Variants in ZNF541 observed in about 807,000 individuals in gnomAD.
ZNF541 encodes the protein zinc finger protein 541.
In ZNF541, 23 loss-of-function variants were observed where a neutral mutation model predicts 123.5. That is an observed-to-expected ratio of 0.19 (90% CI 0.13 to 0.26). The LOEUF is 0.26. Among genes scored for constraint, ZNF541 ranks in the 10% least tolerant of loss-of-function variants. The pLI, the probability that ZNF541 is intolerant of heterozygous loss-of-function variation, is 1.00. For synonymous variants in ZNF541, 751 were observed against 754.5 expected (o/e 1.00, Z 0.08); for missense variants, 1,612 against 1,789.9 (o/e 0.90, Z 1.79).
intron 5 of ZNF541, among the ~76,000 whole-genome samples, chr19:47,541,339 G>A (rs931637929): frequency 1.3e-5 from 2 of 152,056 alleles, no homozygotes; most frequent in African/African-American, 4.8e-5. Context: ...AATCACTTGA[G>A]CCAGGAGTTC....
rs1281613205 is a variant in ZNF541, at chr19:47,544,496, T to C, written c.2033A>G (p.Lys678Arg). The change falls in exon 5 of 17, where the codon AAG becomes AGG. Residue 678 changes from lysine to arginine, a missense_variant. Transcript: ENST00000391901. ...SRNPDISSLA[K>R]QLRSSKGTLD... The stretch of plus-strand genomic sequence containing the variant: ...GGTCCCTTTAGAGGATCGCAGCTGC[T>C]TGGCCAGAGAAGAGATGTCTGGATT... 7 of 1,551,564 alleles carry C rather than the reference T, an allele frequency of 4.5e-6. No homozygotes were observed. In the East Asian group the frequency reaches 7.3e-5, roughly 16 times the overall value.
chr19:47,521,802 A>G lies in ZNF541; in HGVS notation c.3711+52T>C, dbSNP rs114237279. ...GACCCCACCGTCCAACTCAACGGGT[A>G]GCAGGCACTGGGAGGAGAGAAGAGC... On this transcript the variant is annotated intron_variant, in intron 15 of 16. Coordinates refer to ENST00000391901, the MANE Select transcript of ZNF541 (RefSeq NM_001277075.3). This position sits in a 1 kb window ranked among gnomAD's most constrained non-coding sequence, Gnocchi z 4.2. The G allele has an allele frequency of 5.2e-3, 8,025 of 1,539,790 alleles. 117 individuals carry two copies. The highest frequency in any genetic ancestry group is 0.038 in the African/African-American group (2,781 of 72,652).
At chr19:47,548,912 C>T (rs1970477785) in intron 4 of ZNF541, among the ~76,000 whole-genome samples, 1 of 152,036 alleles carries the variant, frequency 6.6e-6, no homozygotes, top group Admixed American at 6.6e-5. Context: ...CCTGTCTCTA[C>T]TAAAAATAAT....
chr19:47,540,403 GT>G (rs201680757), intron 6 of ZNF541, 68 bp from the exon 7 acceptor site: 31 of 1,249,702 alleles, frequency 2.5e-5, no homozygotes, highest in East Asian at 9.2e-5. Context: ...ATTTTTTGTT[GT>G]TTTTTTTTCT....
chr19:47,569,025 T>G (rs1022562555), intron 2 of ZNF541, among the ~76,000 whole-genome samples: 6 of 152,140 alleles, frequency 3.9e-5, no homozygotes, highest in African/African-American at 1.4e-4. Context: ...CTACACAGTA[T>G]TTTTACAAAT....
At chr19:47,523,339 TAA>T (rs75366644) in intron 14 of ZNF541, among the ~76,000 whole-genome samples, 48 of 105,710 alleles carry the variant, frequency 4.5e-4, no homozygotes, top group Non-Finnish European at 6.2e-4. Context: ...GCGTCTCTTT[TAA>T]AAAAAAAAAA....
chr19:47,554,856 G>A (rs1970748265), intron 3 of ZNF541, among the ~76,000 whole-genome samples: 1 of 152,174 alleles, frequency 6.6e-6, no homozygotes, highest in Admixed American at 6.6e-5. Context: ...CACTTTGGGA[G>A]GCGGAGGTGG....
At chr19:47,522,997 C>T (rs545545674) in intron 14 of ZNF541, among the ~76,000 whole-genome samples, 4 of 151,192 alleles carry the variant, frequency 2.6e-5, no homozygotes, top group Admixed American at 2.0e-4. Flanking sequence ...CTGCCTGCCC[C>T]GACCTCCCAA....
rs1970261239 is a variant in ZNF541, at chr19:47,544,937, G to A, written c.1592C>T (p.Pro531Leu). 1.3e-6 allele frequency: 2 copies of A among 1,535,526 alleles called. No homozygotes were observed. Among genetic ancestry groups the A allele is most frequent in the African/African-American group, 1.4e-5 (1 of 73,084 alleles). The change falls in exon 5 of 17, where the codon CCT (proline) becomes CTT (leucine). Residue 531 changes from proline (P) to leucine (L), a missense_variant. Pro to Leu is a moderately conservative substitution (Grantham distance 98, BLOSUM62 -3). This residue lies in a region of ZNF541 where 1,080 missense variants were observed against 1,013.8 expected (regional missense o/e 1.07). Coordinates refer to ENST00000391901, the MANE Select transcript of ZNF541 (RefSeq NM_001277075.3). ...GCGGAAGAGCGGCGAGGCATCCGCA[G>A]GGAGCCCGCCTGCCTTCTGGGCCTC... is the stretch of plus-strand genomic sequence containing the variant. Reference protein sequence around the residue: ...LQEAQKAGGLPADASPLFRQL... With the variant: ...LQEAQKAGGLLADASPLFRQL...
rs747428287 is a variant in ZNF541 at position 47,532,197 on chromosome 19, C to T, written c.3232G>A (p.Glu1078Lys). The change falls in exon 11 of 17, where the codon GAG (glutamate) becomes AAG (lysine). Residue 1078 changes from glutamate (E) to lysine (K), a missense_variant. Glu to Lys is a moderately conservative substitution (Grantham distance 56). Around this residue, in one of 5 missense-constraint regions of ZNF541, gnomAD observed 285 missense variants for 407.3 expected, o/e 0.70. Transcript: ENST00000391901. ...TTCCAGACCAGAGAAGCTACATGCT[C>T]GTCAGTTCCAGCCAGGGATCTCTCC... The part of the protein sequence containing the change: ...LQERSLAGTD[E>K]HVASLVWKPW... 1.4e-5 allele frequency: 21 copies of T among 1,551,706 alleles called. No individual in the cohort carries two copies. The highest frequency in any genetic ancestry group is 1.1e-4 in the African/African-American group (8 of 73,052).
chr19:47,531,143 T>TA (rs1969547436), intron 12 of ZNF541, among the ~76,000 whole-genome samples: 1 of 150,176 alleles, frequency 6.7e-6, no homozygotes, highest in Admixed American at 6.7e-5. Flanking sequence ...GCATGACTCT[T>TA]AGATCCTTAA....
rs901969508 is a variant in ZNF541, at chr19:47,544,197, C to T, written c.2332G>A (p.Ala778Thr). The change falls in exon 5 of 17, where the codon GCC becomes ACC. Residue 778 changes from alanine (A) to threonine (T), a missense_variant. Coordinates refer to ENST00000391901, the MANE Select transcript of ZNF541 (RefSeq NM_001277075.3). ...CAASPSQVAM[A>T]SFSSAGPPAD... The stretch of plus-strand genomic sequence containing the variant: ...GGGGGCCCGGCCGATGAGAAGGAGG[C>T]CATGGCTACCTGGCTCGGAGAAGCC... 3 of 1,551,368 alleles carry T rather than the reference C, an allele frequency of 1.9e-6. No homozygotes were observed. In the African/African-American group the frequency reaches 4.1e-5, roughly 21 times the overall value.
Position 47,521,586 on chromosome 19 carries a change from CCT to C in ZNF541, c.3778_3779del (p.Arg1260GlufsTer35). On this transcript the variant is annotated frameshift_variant, in exon 16 of 17. Coordinates refer to ENST00000391901, the MANE Select transcript of ZNF541 (RefSeq NM_001277075.3). LOFTEE classifies it high-confidence loss of function. This position sits in a 1 kb window ranked among gnomAD's most constrained non-coding sequence, Gnocchi z 4.2. ...PTPKLKTKSY[R>X]RESILSSSPN... ...GGCTGGAGCTGAGGATGGACTCCCT[CCT>C]ATAACTCTTGGTCTTTAACTTGGGA... The C allele has an allele frequency of 1.3e-6, 2 of 1,551,740 alleles. No individual in the cohort carries two copies. Among genetic ancestry groups the C allele is most frequent in the South Asian group, 2.4e-5 (2 of 84,060 alleles).
intron 5 of ZNF541, among the ~76,000 whole-genome samples, chr19:47,543,422 G>A (rs1458734015): frequency 3.3e-5 from 5 of 152,214 alleles, no homozygotes; most frequent in East Asian, 1.9e-4. Flanking sequence ...TGTGGGGCAC[G>A]ATGCAGGTGC....
rs1156564314 is a variant in ZNF541, at chr19:47,545,649, G to A, written c.880C>T (p.Pro294Ser). Residue 294 changes from proline (P) to serine (S), a missense_variant, in exon 5 of 17, where the codon CCG becomes TCG. Pro to Ser is a moderately conservative substitution (Grantham distance 74, BLOSUM62 -1). Coordinates refer to ENST00000391901, the MANE Select transcript of ZNF541 (RefSeq NM_001277075.3). This position sits in a 1 kb window ranked among gnomAD's most constrained non-coding sequence, Gnocchi z 7.5. ...CCTTCGCTGTCTGAAGCCCCCGCCG[G>A]GGCTGGGCCAGGAGAAGGGGTCTTC... ...HQKTPSPGPA[P>S]AGASDSEGRN... 4 of 1,549,922 alleles carry A rather than the reference G, an allele frequency of 2.6e-6. No homozygotes were observed. The Admixed American group carries it at 7.8e-5, about 30-fold the overall frequency.
At chr19:47,552,443 G>A (rs749433530) in intron 3 of ZNF541, among the ~76,000 whole-genome samples, 10 of 152,070 alleles carry the variant, frequency 6.6e-5, no homozygotes, top group Non-Finnish European at 1.5e-4. Flanking sequence ...ATAATGAGTA[G>A]TCAAATAACT....
rs144366092 is a variant in ZNF541, at chr19:47,532,752, C to A, written c.3158+157G>T. On this transcript the variant is annotated intron_variant, in intron 10 of 16. Coordinates refer to ENST00000391901, the MANE Select transcript of ZNF541 (RefSeq NM_001277075.3). ...TGTAGAAGGAATAATATTGGGGGAT[C>A]TTCCTACATATATTTGGAAAAATCT... Among the ~76,000 whole-genome samples, 911 of 152,204 alleles carry A rather than the reference C, an allele frequency of 6.0e-3. 8 individuals are homozygous for A. The highest frequency in any genetic ancestry group is 0.021 in the African/African-American group (867 of 41,506).
At chr19:47,556,874 G>C (rs1230676638) in intron 2 of ZNF541, among the ~76,000 whole-genome samples, 6 of 150,108 alleles carry the variant, frequency 4.0e-5, no homozygotes, top group African/African-American at 1.5e-4. Context: ...TCTACTGCCT[G>C]AGCATCCCAA....
At chr19:47,540,413 C>A in intron 6 of ZNF541, 78 bp from the exon 7 acceptor site, 4 of 1,359,512 alleles carry the variant, frequency 2.9e-6, no homozygotes, top group Non-Finnish European at 3.9e-6. Context: ...GTTTTTTTTT[C>A]TTTTTTGTCT....
Sources: allele counts gnomAD v4.1 joint callset (sites outside exome capture counted in the v4.1 genomes callset), GRCh38; gene constraint gnomAD v4.1.1; regional missense constraint gnomAD v4.1.1; non-coding constraint Gnocchi (gnomAD v3.1); transcripts MANE v1.5; gene names NCBI Gene and HGNC (gene_info 2026-07-23, HGNC 2026-07-21).